GRM3: variants seen among roughly 807,000 people sequenced by gnomAD.
GRM3 encodes glutamate metabotropic receptor 3.
A neutral mutation model predicts 70.5 loss-of-function variants in GRM3; 26 were observed. That is an observed-to-expected ratio of 0.37 (90% CI 0.27 to 0.51). GRM3 has a LOEUF of 0.51. GRM3 is among the 20% of genes least tolerant of loss of function. The pLI is 0.93. For missense variants in GRM3, 859 were observed against 1,123.8 expected, an observed-to-expected ratio of 0.76 and a Z score of 3.37; for synonymous variants, 443 against 434.9, an observed-to-expected ratio of 1.02 and a Z score of -0.23.
At chr7:86,719,709 A>G (rs937359363) in intron 1 of GRM3, among the ~76,000 whole-genome samples, 4 of 151,936 alleles carry the variant, frequency 2.6e-5, no homozygotes, top group Non-Finnish European at 5.9e-5. Flanking sequence ...GCAACTAATT[A>G]TAAGAATGAT....
chr7:86,826,005 C>T (rs1025328721), intron 3 of GRM3, among the ~76,000 whole-genome samples: 5 of 152,062 alleles, frequency 3.3e-5, no homozygotes, highest in African/African-American at 1.2e-4. Flanking sequence ...ATGTTTATGC[C>T]TTTTTAAAAA....
rs568943088 is a variant in GRM3 at position 86,667,839 on chromosome 7, T to C, written c.-141+22967T>C. ...CCTGTAATACCAACTAGCATGTCTT[T>C]TGGGTTGCAAGCCAATACAATTACC... On this transcript the variant is annotated intron_variant, in intron 1 of 5. Coordinates refer to ENST00000361669, the MANE Select transcript of GRM3 (RefSeq NM_000840.3). Among the ~76,000 whole-genome samples, 4 of 152,246 alleles carry C rather than the reference T, an allele frequency of 2.6e-5. No individual in the cohort carries two copies. The South Asian group carries it at 8.3e-4, about 32-fold the overall frequency.
chr7:86,839,180 AC>A lies in GRM3; in HGVS notation c.1667del (p.Thr556MetfsTer4). 1 of 1,613,638 alleles carries A rather than the reference AC, an allele frequency of 6.2e-7. No homozygotes were observed. Among genetic ancestry groups the A allele is most frequent in the Non-Finnish European group, 8.5e-7 (1 of 1,179,530 alleles). ...CMDCGSGQWP[T>X]ADLTGCYDLP... Reference sequence around the variant, plus strand: ...GGATTGTGGGTCTGGACAGTGGCCCACTGCAGACCTAACTGGATGCTATGAC... The same window carrying A: ...GGATTGTGGGTCTGGACAGTGGCCCATGCAGACCTAACTGGATGCTATGAC... On this transcript the variant is annotated frameshift_variant, in exon 4 of 6. Transcript: ENST00000361669. LOFTEE classifies it high-confidence loss of function. This position sits in a 1 kb window ranked among gnomAD's most constrained non-coding sequence, Gnocchi z 4.5.
At chr7:86,755,170 C>A (rs938471584) in intron 1 of GRM3, among the ~76,000 whole-genome samples, 1 of 151,364 alleles carries the variant, frequency 6.6e-6, no homozygotes, top group African/African-American at 2.4e-5. Flanking sequence ...CATTGGTTCC[C>A]GAAGGAAAAC....
chr7:86,765,517 G>A lies in GRM3; in HGVS notation c.372G>A (p.Glu124=), dbSNP rs1796578346. The part of the protein sequence containing the change: ...RASLTKVDEA[E]YMCPDGSYAI... Reference sequence around the variant, plus strand: ...CTTTGACAAAAGTGGATGAAGCTGAGTATATGTGTCCTGATGGATCCTATG... The same window carrying A: ...CTTTGACAAAAGTGGATGAAGCTGAATATATGTGTCCTGATGGATCCTATG... The change falls in exon 2 of 6, where the codon GAG becomes GAA. Residue 124 remains glutamate (E), a synonymous_variant. Transcript: ENST00000361669. The A allele has an allele frequency of 6.2e-7, 1 of 1,613,876 alleles. No individual in the cohort carries two copies. Among genetic ancestry groups the A allele is most frequent in the Non-Finnish European group, 8.5e-7 (1 of 1,179,860 alleles).
At chr7:86,812,841 T>C (rs1396165420) in intron 3 of GRM3, among the ~76,000 whole-genome samples, 1 of 151,782 alleles carries the variant, frequency 6.6e-6, no homozygotes, top group Non-Finnish European at 1.5e-5. Context: ...AGCAAAGGGA[T>C]ATATGAATAG....
rs115856049 is a variant in GRM3 at position 86,646,646 on chromosome 7, G to A, written c.-141+1774G>A. 9.8e-3 allele frequency among the ~76,000 whole-genome samples: 1,493 copies of A among 152,158 alleles called. 18 individuals carry two copies. Among genetic ancestry groups the A allele is most frequent in the African/African-American group, 0.035 (1,432 of 41,498 alleles). On this transcript the variant is annotated intron_variant, in intron 1 of 5. Transcript: ENST00000361669. ...TAGGTATAAAACTGTGGTTTTATGA[G>A]TTAGGCCCTTACCAGTGAAATGTGA... is the stretch of plus-strand genomic sequence containing the variant.
At position 86,765,513 on chromosome 7, in the gene GRM3, C is replaced by T. The variant is rs987145802; in HGVS notation, c.368C>T (p.Ala123Val). The T allele has an allele frequency of 1.2e-6, 2 of 1,613,782 alleles. No homozygotes were observed. The highest frequency in any genetic ancestry group is 8.5e-7 in the Non-Finnish European group (1 of 1,179,838). Residue 123 changes from alanine (A) to valine (V), a missense_variant, in exon 2 of 6, where the codon GCT (alanine) becomes GTT (valine). Transcript: ENST00000361669. ...GCATCTTTGACAAAAGTGGATGAAG[C>T]TGAGTATATGTGTCCTGATGGATCC... ...VRASLTKVDE[A>V]EYMCPDGSYA... is the part of the protein sequence containing the mutation.
intron 3 of GRM3, among the ~76,000 whole-genome samples, chr7:86,812,459 C>T (rs1336359199): frequency 1.3e-5 from 2 of 151,820 alleles, no homozygotes; most frequent in African/African-American, 2.4e-5. Flanking sequence ...TTAGTTCTGA[C>T]GCCTGTTAAC....
chr7:86,754,537 G>T (rs1177748491), intron 1 of GRM3, among the ~76,000 whole-genome samples: 1 of 152,110 alleles, frequency 6.6e-6, no homozygotes, highest in Non-Finnish European at 1.5e-5. Flanking sequence ...CCATCATGAA[G>T]CCTGTGGCCA....
chr7:86,748,191 C>T (rs989012414), intron 1 of GRM3, among the ~76,000 whole-genome samples: 19 of 152,088 alleles, frequency 1.2e-4, no homozygotes, highest in African/African-American at 3.9e-4. Flanking sequence ...CTTTATGTTT[C>T]CTACAGCTGA....
chr7:86,771,241 A>G (rs1265185801), intron 2 of GRM3, among the ~76,000 whole-genome samples: 2 of 152,108 alleles, frequency 1.3e-5, no homozygotes, highest in Non-Finnish European at 2.9e-5. Context: ...GTATTTCTTA[A>G]CATTATAATT....
At chr7:86,656,260 C>CTTTTTTTTTTTTTTTTTTTTTT in intron 1 of GRM3, among the ~76,000 whole-genome samples, 1 of 83,276 alleles carries the variant, frequency 1.2e-5, no homozygotes, top group Non-Finnish European at 2.1e-5. Flanking sequence ...ATACTATGTT[C>CTTTTTTTTTTTTTTTTTTTTTT]TTTTTTTTTT....
intron 1 of GRM3, among the ~76,000 whole-genome samples, chr7:86,696,172 T>C (rs557158435): frequency 6.6e-6 from 1 of 152,320 alleles, no homozygotes; most frequent in African/African-American, 2.4e-5. Flanking sequence ...CTATAAAAGA[T>C]GTTCACCTCC....
chr7:86,758,967 G>A (rs1001544082), intron 1 of GRM3, among the ~76,000 whole-genome samples: 2 of 152,046 alleles, frequency 1.3e-5, no homozygotes, highest in Non-Finnish European at 2.9e-5. Context: ...ATATAAGAGG[G>A]TCTTATCAAT....
intron 3 of GRM3, among the ~76,000 whole-genome samples, chr7:86,829,288 T>A (rs960780976): frequency 2.6e-5 from 4 of 152,234 alleles, no homozygotes; most frequent in African/African-American, 9.6e-5. Context: ...TGCGTCTGAT[T>A]TGATGTTCTA....
At chr7:86,745,984 A>T (rs187369970) in intron 1 of GRM3, among the ~76,000 whole-genome samples, 2 of 152,112 alleles carry the variant, frequency 1.3e-5, no homozygotes, top group Admixed American at 1.3e-4. Context: ...AACTAAACAG[A>T]TGTGTCTAAT....
chr7:86,679,787 G>A (rs529587306), intron 1 of GRM3, among the ~76,000 whole-genome samples: 2 of 151,934 alleles, frequency 1.3e-5, no homozygotes, highest in East Asian at 3.9e-4. Context: ...TCCAAAACCT[G>A]CCCGGGGAGG....
intron 1 of GRM3, among the ~76,000 whole-genome samples, chr7:86,650,379 T>G (rs1381742705): frequency 2.0e-5 from 3 of 152,070 alleles, no homozygotes; most frequent in African/African-American, 4.8e-5. Flanking sequence ...AATTAATTTA[T>G]TTATTTTACC....
Sources: allele counts gnomAD v4.1 joint callset (sites outside exome capture counted in the v4.1 genomes callset), GRCh38; gene constraint gnomAD v4.1.1; non-coding constraint Gnocchi (gnomAD v3.1); transcripts MANE v1.5; gene names NCBI Gene and HGNC (gene_info 2026-07-23, HGNC 2026-07-21).